The following BANK1 variants were observed in gnomAD, a reference collection of about 807,000 sequenced individuals.
BANK1 encodes the protein B cell scaffold protein with ankyrin repeats 1.
Under a neutral mutation model 94.5 loss-of-function variants are expected in BANK1, and 95 were observed. The ratio of observed to expected loss-of-function variants is 1.00; its 90% confidence interval spans 0.85 to 1.19. BANK1 has a LOEUF of 1.19. Among genes scored for constraint, BANK1 ranks in the 50% most tolerant of loss-of-function variants. BANK1 has a pLI of 0.00. For missense variants in BANK1, 987 were observed against 932.2 expected, an observed-to-expected ratio of 1.06 and a Z score of -0.77; for synonymous variants, 334 against 308.4, an observed-to-expected ratio of 1.08 and a Z score of -0.87.
intron 10 of BANK1, among the ~76,000 whole-genome samples, chr4:102,042,288 T>C (rs1407036954): frequency 6.6e-6 from 1 of 152,108 alleles, no homozygotes; most frequent in Non-Finnish European, 1.5e-5. Context: ...TATTTTATTT[T>C]AGAAAAAATG....
intron 8 of BANK1, among the ~76,000 whole-genome samples, chr4:102,024,686 T>C (rs1279868038): frequency 6.6e-6 from 1 of 152,098 alleles, no homozygotes; most frequent in Non-Finnish European, 1.5e-5. Flanking sequence ...GTTAATACAG[T>C]ATCTGTAAAT....
At chr4:102,041,568 T>G (rs145729261) in intron 10 of BANK1, among the ~76,000 whole-genome samples, 1 of 152,074 alleles carries the variant, frequency 6.6e-6, no homozygotes, top group East Asian at 1.9e-4. Flanking sequence ...CAGCTGCAAG[T>G]GAATTAAAAG....
intron 10 of BANK1, among the ~76,000 whole-genome samples, chr4:102,042,951 A>C (rs577271277): frequency 2.0e-5 from 3 of 152,008 alleles, no homozygotes; most frequent in Non-Finnish European, 4.4e-5. Context: ...GCTAACAACA[A>C]CTCTGAGATC....
At chr4:101,930,395 A>C (rs1723299265) in intron 7 of BANK1, among the ~76,000 whole-genome samples, 1 of 151,498 alleles carries the variant, frequency 6.6e-6, no homozygotes. Context: ...TGTTACAGTT[A>C]CAGTAACATA....
intron 7 of BANK1, among the ~76,000 whole-genome samples, chr4:101,929,074 T>A (rs1280878716): frequency 1.3e-5 from 2 of 151,756 alleles, no homozygotes; most frequent in African/African-American, 4.8e-5. Context: ...ATTCAAATGA[T>A]TCTTTCCAAT....
chr4:101,832,633 G>A (rs1302546725), intron 2 of BANK1, among the ~76,000 whole-genome samples: 2 of 152,010 alleles, frequency 1.3e-5, no homozygotes, highest in Non-Finnish European at 2.9e-5. Flanking sequence ...TTTTGGTTGA[G>A]CACTTATAAC....
chr4:101,930,748 G>A (rs1210374339), intron 7 of BANK1, among the ~76,000 whole-genome samples: 2 of 151,480 alleles, frequency 1.3e-5, no homozygotes, highest in Non-Finnish European at 3.0e-5. Context: ...TTGGTAATAA[G>A]TAGAGATGAG....
intron 7 of BANK1, among the ~76,000 whole-genome samples, chr4:101,973,893 A>T (rs1349505262): frequency 6.6e-6 from 1 of 152,062 alleles, no homozygotes; most frequent in Non-Finnish European, 1.5e-5. Flanking sequence ...GACTTCCCTA[A>T]TCCTAACTAG....
At chr4:101,901,042 C>T (rs927722229) in intron 6 of BANK1, among the ~76,000 whole-genome samples, 3 of 152,100 alleles carry the variant, frequency 2.0e-5, no homozygotes, top group Admixed American at 6.5e-5. Context: ...CATGTCATGT[C>T]CTACTCCAGA....
chr4:101,911,428 G>A (rs1722660684), intron 6 of BANK1, among the ~76,000 whole-genome samples: 1 of 152,058 alleles, frequency 6.6e-6, no homozygotes, highest in Non-Finnish European at 1.5e-5. Flanking sequence ...TAGAAACATT[G>A]TAATTTTTGT....
intron 2 of BANK1, among the ~76,000 whole-genome samples, chr4:101,830,861 A>C (rs1560591997): frequency 6.6e-6 from 1 of 152,170 alleles, no homozygotes; most frequent in African/African-American, 2.4e-5. Flanking sequence ...TTCATGGCTT[A>C]AAGGGAAGGA....
chr4:101,848,958 T>A (rs576259237), intron 2 of BANK1, among the ~76,000 whole-genome samples: 2 of 152,284 alleles, frequency 1.3e-5, no homozygotes, highest in South Asian at 4.1e-4. Flanking sequence ...CATAGGCTTA[T>A]CCCCTTATCT....
intron 7 of BANK1, among the ~76,000 whole-genome samples, chr4:102,010,127 T>C (rs561291853): frequency 8.8e-4 from 133 of 151,572 alleles, no homozygotes; most frequent in South Asian, 1.7e-3. Context: ...TAGCCAGGTG[T>C]GGTGGCGGGC....
intron 2 of BANK1, among the ~76,000 whole-genome samples, chr4:101,853,914 C>T (rs751745181): frequency 6.6e-6 from 1 of 152,096 alleles, no homozygotes; most frequent in African/African-American, 2.4e-5. Flanking sequence ...GTGGTTTGGG[C>T]AATGTTCATT....
intron 6 of BANK1, among the ~76,000 whole-genome samples, chr4:101,913,953 A>G (rs936472048): frequency 2.6e-5 from 4 of 152,196 alleles, no homozygotes; most frequent in African/African-American, 9.7e-5. Flanking sequence ...TCTAGAACTC[A>G]ATTTTTACAA....
intron 8 of BANK1, among the ~76,000 whole-genome samples, chr4:102,022,953 G>A (rs963279498): frequency 1.3e-5 from 2 of 151,920 alleles, no homozygotes; most frequent in Non-Finnish European, 1.5e-5. Flanking sequence ...TTCTTTCTTC[G>A]TTTTATGACA....
At chr4:101,872,735 T>C (rs1260643859) in intron 5 of BANK1, among the ~76,000 whole-genome samples, 1 of 152,092 alleles carries the variant, frequency 6.6e-6, no homozygotes, top group Non-Finnish European at 1.5e-5. Context: ...GCCTGTGGTC[T>C]CAGTACTTTA....
At chr4:101,927,493 G>A (rs1560636686) in intron 7 of BANK1, among the ~76,000 whole-genome samples, 1 of 151,598 alleles carries the variant, frequency 6.6e-6, no homozygotes, top group Non-Finnish European at 1.5e-5. Context: ...GGGCAAGAAG[G>A]ACAGATAAGA....
intron 10 of BANK1, among the ~76,000 whole-genome samples, chr4:102,039,004 T>C (rs1431460851): frequency 2.0e-5 from 3 of 152,154 alleles, no homozygotes; most frequent in Non-Finnish European, 4.4e-5. Flanking sequence ...TGCAGCAGTG[T>C]GTTTTCCACC....
Sources: gnomAD v4.1 joint callset for allele counts (sites outside exome capture counted in the v4.1 genomes callset) on GRCh38, gnomAD v4.1.1 for gene constraint, MANE v1.5 for transcripts, NCBI Gene and HGNC (gene_info 2026-07-23, HGNC 2026-07-21) for gene names.